Variants in GALNT13 observed in about 807,000 individuals in gnomAD.
GALNT13 encodes the protein polypeptide N-acetylgalactosaminyltransferase 13, also known as UDP-GalNAc:polypeptide N-acetylgalactosaminyltransferase 13.
A neutral mutation model predicts 64.2 loss-of-function variants in GALNT13; 28 were observed. That is an observed-to-expected ratio of 0.44 (90% CI 0.32 to 0.60). GALNT13 has a LOEUF of 0.60. GALNT13 is among the 20% of genes least tolerant of loss of function. The pLI, the probability that GALNT13 is intolerant of heterozygous loss-of-function variation, is 0.05. For synonymous variants in GALNT13, 214 were observed against 224.6 expected (o/e 0.95, Z 0.42); for missense variants, 577 against 669.8 (o/e 0.86, Z 1.53).
the GALNT13 span, among the ~76,000 whole-genome samples, chr2:153,402,912 C>T: frequency 6.6e-6 from 1 of 152,216 alleles, no homozygotes; most frequent in African/African-American, 2.4e-5. Context: ...TTGTCTGAAG[C>T]CTTCTACTCT....
intron 3 of GALNT13, among the ~76,000 whole-genome samples, chr2:154,082,710 A>C (rs1701332789): frequency 6.6e-6 from 1 of 150,972 alleles, no homozygotes; most frequent in Non-Finnish European, 1.5e-5. Flanking sequence ...TCTGCTTCAG[A>C]CTCACCTTTT....
the GALNT13 span, among the ~76,000 whole-genome samples, chr2:153,312,461 A>G: frequency 6.6e-6 from 1 of 152,178 alleles, no homozygotes; most frequent in Non-Finnish European, 1.5e-5. Flanking sequence ...TACAGAAGGG[A>G]AATGTGTTGG....
At chr2:153,077,898 T>C in the GALNT13 span, among the ~76,000 whole-genome samples, 5 of 152,222 alleles carry the variant, frequency 3.3e-5, no homozygotes, top group Non-Finnish European at 7.3e-5. Context: ...CTTTAACAAA[T>C]CAAATTAGAA....
the GALNT13 span, among the ~76,000 whole-genome samples, chr2:153,258,369 A>AAAAACAAAACAAAAC: frequency 0.2 from 29,869 of 146,970 alleles, 3,189 homozygotes; most frequent in Middle Eastern, 0.27. Flanking sequence ...CTGGTCTCCC[A>AAAAACAAAACAAAAC]AAAACAAAAC....
chr2:153,665,929 G>A, the GALNT13 span, among the ~76,000 whole-genome samples: 1 of 152,104 alleles, frequency 6.6e-6, no homozygotes, highest in Non-Finnish European at 1.5e-5. Context: ...GAATGGACAG[G>A]GATGCCCATC....
At chr2:153,181,789 A>G in the GALNT13 span, among the ~76,000 whole-genome samples, 1 of 145,892 alleles carries the variant, frequency 6.9e-6, no homozygotes, top group African/African-American at 2.5e-5. Flanking sequence ...TTATATTTAT[A>G]TTATATAAAT....
At chr2:153,147,553 T>C in the GALNT13 span, among the ~76,000 whole-genome samples, 1 of 151,430 alleles carries the variant, frequency 6.6e-6, no homozygotes, top group African/African-American at 2.4e-5. Context: ...TTTTTTTTTT[T>C]TTTTTGCCAC....
chr2:153,178,204 A>T, the GALNT13 span, among the ~76,000 whole-genome samples: 1 of 152,172 alleles, frequency 6.6e-6, no homozygotes, highest in African/African-American at 2.4e-5. Flanking sequence ...ACTGACTTCA[A>T]ATCTTTTGGG....
intron 4 of GALNT13, among the ~76,000 whole-genome samples, chr2:154,207,595 T>C (rs1687535110): frequency 6.6e-6 from 1 of 152,166 alleles, no homozygotes; most frequent in African/African-American, 2.4e-5. Context: ...ATTGTAATTA[T>C]CCATATTAAT....
At chr2:154,111,942 T>G (rs1438617488) in intron 3 of GALNT13, among the ~76,000 whole-genome samples, 2 of 152,172 alleles carry the variant, frequency 1.3e-5, no homozygotes, top group African/African-American at 4.8e-5. Context: ...ATAAAGTGAG[T>G]GCCTTGGTCA....
chr2:153,079,134 G>A, the GALNT13 span, among the ~76,000 whole-genome samples: 6 of 152,156 alleles, frequency 3.9e-5, no homozygotes, highest in South Asian at 1.2e-3. Context: ...CATACTCATA[G>A]ATCCCAAGTG....
At chr2:154,243,020 G>C (rs1689580995) in intron 6 of GALNT13, 115 bp downstream of exon 6, 1 of 834,528 alleles carries the variant, frequency 1.2e-6, no homozygotes, top group African/African-American at 1.7e-5. Context: ...TTATTTTATA[G>C]CTTTTCTTAA....
chr2:153,925,963 A>G (rs999809282), intron 2 of GALNT13, among the ~76,000 whole-genome samples: 1 of 152,178 alleles, frequency 6.6e-6, no homozygotes, highest in East Asian at 1.9e-4. Flanking sequence ...GGCTGAGATG[A>G]TGGAGTTTTC....
chr2:153,796,791 T>C, the GALNT13 span, among the ~76,000 whole-genome samples: 3 of 152,202 alleles, frequency 2.0e-5, no homozygotes, highest in Non-Finnish European at 4.4e-5. Context: ...TTTGGTGCCA[T>C]ACATTTTAAA....
intron 9 of GALNT13, among the ~76,000 whole-genome samples, chr2:154,354,131 G>A (rs1169556034): frequency 1.3e-5 from 2 of 151,984 alleles, no homozygotes; most frequent in African/African-American, 2.4e-5. Context: ...TTTTTATAGT[G>A]GTTTTCATTT....
chr2:154,231,339 A>G (rs1194947468), intron 4 of GALNT13, among the ~76,000 whole-genome samples: 1 of 151,948 alleles, frequency 6.6e-6, no homozygotes, highest in Non-Finnish European at 1.5e-5. Flanking sequence ...TTCTTAAATA[A>G]CCTATCTGTG....
chr2:154,022,573 G>A (rs887244099), intron 3 of GALNT13, among the ~76,000 whole-genome samples: 3 of 152,148 alleles, frequency 2.0e-5, no homozygotes, highest in Admixed American at 2.0e-4. Flanking sequence ...GCGTCTATCT[G>A]ATTCTTCTCT....
intron 8 of GALNT13, among the ~76,000 whole-genome samples, chr2:154,296,881 A>G (rs1692956865): frequency 6.6e-6 from 1 of 152,174 alleles, no homozygotes; most frequent in Non-Finnish European, 1.5e-5. Context: ...TCAACCCGTC[A>G]GCAATTGGAG....
intron 9 of GALNT13, among the ~76,000 whole-genome samples, chr2:154,393,817 G>A (rs1559131297): frequency 6.6e-6 from 1 of 151,918 alleles, no homozygotes; most frequent in Non-Finnish European, 1.5e-5. Context: ...GGTGGCTCAC[G>A]CCTGTAATCC....
Sources: gnomAD v4.1 joint callset for allele counts (sites outside exome capture counted in the v4.1 genomes callset) on GRCh38, gnomAD v4.1.1 for gene constraint, MANE v1.5 for transcripts, NCBI Gene and HGNC (gene_info 2026-07-23, HGNC 2026-07-21) for gene names.